Variants in PRDM6 observed in about 807,000 individuals in gnomAD.
The protein encoded by PRDM6 is PR/SET domain 6, also known as putative histone-lysine N-methyltransferase PRDM6.
Under a neutral mutation model 60.8 loss-of-function variants are expected in PRDM6, and 25 were observed. That is an observed-to-expected ratio of 0.41 (90% CI 0.30 to 0.57). The LOEUF is 0.57. Ranked by LOEUF, PRDM6 falls within the 20% of genes least tolerant of loss-of-function variation. The pLI is 0.27. For missense variants in PRDM6, 839 were observed against 821.3 expected, an observed-to-expected ratio of 1.02 and a Z score of -0.26; for synonymous variants, 407 against 357.4, an observed-to-expected ratio of 1.14 and a Z score of -1.57.
At chr5:123,176,500 C>T (rs1386720540) in intron 6 of PRDM6, among the ~76,000 whole-genome samples, 4 of 152,086 alleles carry the variant, frequency 2.6e-5, no homozygotes, top group East Asian at 1.9e-4. Flanking sequence ...CACTTGAGCC[C>T]AGAAGTTTGA....
chr5:123,125,154 CCCCCA>C (rs869257230), intron 3 of PRDM6, among the ~76,000 whole-genome samples: 1 of 134,098 alleles, frequency 7.5e-6, no homozygotes, highest in Non-Finnish European at 1.6e-5. Context: ...CACCCCCTCC[CCCCCA>C]CCCGCCGGCC....
At chr5:123,148,051 C>G (rs965161064) in intron 3 of PRDM6, among the ~76,000 whole-genome samples, 1 of 152,216 alleles carries the variant, frequency 6.6e-6, no homozygotes, top group African/African-American at 2.4e-5. Flanking sequence ...GGCCGGCTCT[C>G]TGATGAAGGC....
At chr5:123,151,991 G>A (rs149528169) in intron 3 of PRDM6, among the ~76,000 whole-genome samples, 82 of 151,844 alleles carry the variant, frequency 5.4e-4, no homozygotes, top group Non-Finnish European at 1.0e-3. Flanking sequence ...AAAATGGAGG[G>A]AAATTAAAAA....
chr5:123,120,296 T>C (rs964180260), intron 3 of PRDM6, among the ~76,000 whole-genome samples: 6 of 152,224 alleles, frequency 3.9e-5, no homozygotes, highest in Non-Finnish European at 8.8e-5. Context: ...AGTGTTGTTT[T>C]GATGCAGTTA....
Position 123,189,272 on chromosome 5 carries a change from GT to G in PRDM6, c.*2073del. ...GATCAGCTTCACAGATGAGTAAGCT[GT>G]TCCATTTGTTAAGGTTGAAAGATTT... On this transcript the variant is annotated 3_prime_UTR_variant, in exon 8 of 8. Coordinates refer to ENST00000407847, the MANE Select transcript of PRDM6 (RefSeq NM_001136239.4). The G allele has an allele frequency of 6.6e-6, 1 of 152,180 alleles. No individual in the cohort carries two copies. 9.4% of individuals were successfully genotyped at this position (152,180 alleles called of 1,614,324 possible).
At chr5:123,090,911 C>T (rs1165328306) in intron 2 of PRDM6, among the ~76,000 whole-genome samples, 1 of 152,126 alleles carries the variant, frequency 6.6e-6, no homozygotes, top group Non-Finnish European at 1.5e-5. Context: ...CCCGGCCTAA[C>T]AGACCTCTGC....
At position 123,183,871 on chromosome 5, in the gene PRDM6, G is replaced by A. The variant is rs528570317; in HGVS notation, c.1674-3216G>A. ...TGCCCTGCTGTGCCTGAGAGGATCT[G>A]TGTGAGCTGCCCGAAGCCTGGCTTT... is the stretch of plus-strand genomic sequence containing the variant. On this transcript the variant is annotated intron_variant, in intron 7 of 7. Coordinates refer to ENST00000407847, the MANE Select transcript of PRDM6 (RefSeq NM_001136239.4). Among the ~76,000 whole-genome samples the A allele has an allele frequency of 2.0e-5, 3 of 152,306 alleles. No homozygotes were observed. In the South Asian group the frequency reaches 6.2e-4, roughly 32 times the overall value.
In PRDM6 at chr5:123,192,492, C is replaced by A. The variant is rs1188672475; in HGVS notation, c.*5291C>A. On this transcript the variant is annotated 3_prime_UTR_variant, in exon 8 of 8. Coordinates refer to ENST00000407847, the MANE Select transcript of PRDM6 (RefSeq NM_001136239.4). The stretch of plus-strand genomic sequence containing the variant: ...ACTGAAGTGCTATTAAAACACGTAT[C>A]ATTATAGATGCTGATTTTGTCATGC... 1 of 139,394 alleles carries A rather than the reference C, an allele frequency of 7.2e-6. No homozygotes were observed. Among genetic ancestry groups the A allele is most frequent in the Non-Finnish European group, 1.6e-5 (1 of 60,748 alleles). The allele number at this position is 139,394 out of a possible 1,614,324, so 8.6% of individuals were successfully genotyped here.
chr5:123,165,164 C>A (rs1382239561), intron 5 of PRDM6, among the ~76,000 whole-genome samples: 1 of 152,186 alleles, frequency 6.6e-6, no homozygotes, highest in Non-Finnish European at 1.5e-5. Context: ...GACCTCCTTA[C>A]TGAGCGCCAG....
chr5:123,094,760 C>T (rs1027415436), intron 2 of PRDM6, among the ~76,000 whole-genome samples: 1 of 152,196 alleles, frequency 6.6e-6, no homozygotes, highest in Non-Finnish European at 1.5e-5. Context: ...TTCATCATCT[C>T]CGCATTGTAT....
chr5:123,194,249 G>T lies in PRDM6; in HGVS notation c.*7048G>T, dbSNP rs550327181. 6.6e-6 allele frequency: 1 copy of T among 152,058 alleles called. No individual in the cohort carries two copies. Among genetic ancestry groups the T allele is most frequent in the African/African-American group, 2.4e-5 (1 of 41,404 alleles). 9.4% of individuals were successfully genotyped at this position (152,058 alleles called of 1,614,324 possible). ...TGTAAATATATTTGATTAATAAAAC[G>T]TTTTTATGATGACTCGATCTTCCCT... On this transcript the variant is annotated 3_prime_UTR_variant, in exon 8 of 8. Coordinates refer to ENST00000407847, the MANE Select transcript of PRDM6 (RefSeq NM_001136239.4).
At chr5:123,108,776 T>A (rs1431927852) in intron 3 of PRDM6, among the ~76,000 whole-genome samples, 1 of 152,160 alleles carries the variant, frequency 6.6e-6, no homozygotes, top group Non-Finnish European at 1.5e-5. Flanking sequence ...GTTGATGGTT[T>A]TCATAATGGG....
In PRDM6 at chr5:123,112,588, G is replaced by T. The variant is rs116615289; in HGVS notation, c.900+12627G>T. On this transcript the variant is annotated intron_variant, in intron 3 of 7. Coordinates refer to ENST00000407847, the MANE Select transcript of PRDM6 (RefSeq NM_001136239.4). Reference sequence around the variant, plus strand: ...GCGATGCTCTCAGATTCAGTATCCCGCACTGATCTGTCTTAAATCTTATAT... The same window carrying T: ...GCGATGCTCTCAGATTCAGTATCCCTCACTGATCTGTCTTAAATCTTATAT... Among the ~76,000 whole-genome samples, 330 of 152,086 alleles carry T rather than the reference G, an allele frequency of 2.2e-3. 3 individuals carry two copies. The highest frequency in any genetic ancestry group is 7.6e-3 in the African/African-American group (317 of 41,488).
At chr5:123,175,020 G>A (rs1230006862) in intron 6 of PRDM6, among the ~76,000 whole-genome samples, 1 of 150,724 alleles carries the variant, frequency 6.6e-6, no homozygotes, top group Admixed American at 6.6e-5. Flanking sequence ...ATAAACATTT[G>A]GGGTTTTGCA....
intron 3 of PRDM6, among the ~76,000 whole-genome samples, chr5:123,107,653 T>G (rs1207172125): frequency 6.6e-6 from 1 of 152,222 alleles, no homozygotes; most frequent in Admixed American, 6.5e-5. Flanking sequence ...TAACACAAAC[T>G]GGGACTTGTA....
At chr5:123,176,133 T>TTTGG (rs1268521183) in intron 6 of PRDM6, among the ~76,000 whole-genome samples, 33 of 152,164 alleles carry the variant, frequency 2.2e-4, no homozygotes, top group African/African-American at 8.0e-4. Context: ...TTAAGTAAAA[T>TTTGG]AGTACTTCAG....
In PRDM6 at chr5:123,090,476, C is replaced by T. The variant is rs760269627; in HGVS notation, c.462C>T (p.Gly154=). ...GPGPVKCGGG[G]GGGGEGRGAP... ...GGCCCGTCAAGTGCGGTGGTGGTGG[C>T]GGCGGCGGCGGGGAGGGTCGCGGCG... Residue 154 remains glycine, a synonymous_variant, in exon 2 of 8, where the codon GGC becomes GGT. Transcript: ENST00000407847. 1.8e-5 allele frequency: 26 copies of T among 1,467,668 alleles called. No homozygotes were observed. Among genetic ancestry groups the T allele is most frequent in the Admixed American group, 7.1e-5 (3 of 42,140 alleles). 90.9% of individuals were successfully genotyped at this position (1,467,668 alleles called of 1,614,324 possible).
At chr5:123,103,869 T>A (rs1043695418) in intron 3 of PRDM6, among the ~76,000 whole-genome samples, 1 of 152,064 alleles carries the variant, frequency 6.6e-6, no homozygotes, top group African/African-American at 2.4e-5. Context: ...CAAAATAAAT[T>A]GCACTTATTT....
At chr5:123,171,762 G>C (rs1765894055) in intron 6 of PRDM6, among the ~76,000 whole-genome samples, 1 of 152,184 alleles carries the variant, frequency 6.6e-6, no homozygotes. Flanking sequence ...CATGAACTGA[G>C]GATGAAATTT....
Sources: allele counts gnomAD v4.1 joint callset (sites outside exome capture counted in the v4.1 genomes callset), GRCh38; gene constraint gnomAD v4.1.1; transcripts MANE v1.5; gene names NCBI Gene and HGNC (gene_info 2026-07-23, HGNC 2026-07-21).